SORCS2: variants seen among roughly 807,000 people sequenced by gnomAD.
SORCS2 encodes the protein sortilin related VPS10 domain containing receptor 2, also known as VPS10 domain-containing receptor SorCS2.
In SORCS2, 100 loss-of-function variants were observed where a neutral mutation model predicts 141.6. The observed-to-expected ratio is 0.71, with a 90% CI of 0.60 to 0.83. The LOEUF is 0.83. Among genes scored for constraint, SORCS2 ranks in the 40% least tolerant of loss-of-function variants. The pLI is 0.00. For synonymous variants in SORCS2, 789 were observed against 676.9 expected, an observed-to-expected ratio of 1.17 and a Z score of -2.57; for missense variants, 1,646 against 1,560.2, an observed-to-expected ratio of 1.05 and a Z score of -0.93.
intron 2 of SORCS2, among the ~76,000 whole-genome samples, chr4:7,418,062 G>T (rs1209376208): frequency 6.6e-6 from 1 of 152,160 alleles, no homozygotes; most frequent in Non-Finnish European, 1.5e-5. Context: ...TCAGCTGGAG[G>T]CTCTTACCAG....
In SORCS2 at chr4:7,661,549, C is replaced by G. The variant is rs1442288692; in HGVS notation, c.937C>G (p.Gln313Glu). 4 of 1,551,878 alleles carry G rather than the reference C, an allele frequency of 2.6e-6. No individual in the cohort carries two copies. Among genetic ancestry groups the G allele is most frequent in the Non-Finnish European group, 8.7e-7 (1 of 1,147,136 alleles). The part of the protein sequence containing the change: ...ADPDLVHVEA[Q>E]DLGGDFRYVT... ...CCCTGACTTGGTCCACGTGGAAGCC[C>G]AAGACCTCGGTGGAGGTAAGCCGGG... Residue 313 changes from glutamine (Q) to glutamate (E), a missense_variant, in exon 6 of 27, where the codon CAA becomes GAA. Gln to Glu is a conservative substitution (Grantham distance 29). Transcript: ENST00000507866.
intron 12 of SORCS2, among the ~76,000 whole-genome samples, chr4:7,700,401 C>T (rs1724985695): frequency 1.3e-5 from 2 of 152,138 alleles, no homozygotes; most frequent in African/African-American, 4.8e-5. Context: ...TTGGGGGTCT[C>T]TCCCTAGGCT....
chr4:7,394,096 T>G (rs7356467), intron 1 of SORCS2, among the ~76,000 whole-genome samples: 1 of 150,802 alleles, frequency 6.6e-6, no homozygotes, highest in Admixed American at 6.6e-5. Context: ...TTTGGCTTGG[T>G]CGGTTGAAGC....
At chr4:7,383,483 C>T (rs1723114771) in intron 1 of SORCS2, among the ~76,000 whole-genome samples, 1 of 152,184 alleles carries the variant, frequency 6.6e-6, no homozygotes, top group South Asian at 2.1e-4. Flanking sequence ...AGGTAATGAA[C>T]ATATGGTTGT....
chr4:7,550,721 A>C (rs947353455), intron 3 of SORCS2, among the ~76,000 whole-genome samples: 1 of 152,204 alleles, frequency 6.6e-6, no homozygotes. Flanking sequence ...TTCCAACAGG[A>C]CAATCCACTG....
Position 7,370,206 on chromosome 4 carries a change from C to T in SORCS2, c.481-26082C>T, listed in dbSNP as rs148469053. On this transcript the variant is annotated intron_variant, in intron 1 of 26. Transcript: ENST00000507866. ...GCCCAGAGAGGGCATAACCACCAGG[C>T]TGGGCAAGGCGCTTGGGCTCCCTGA... Among the ~76,000 whole-genome samples the T allele has an allele frequency of 2.0e-5, 3 of 152,324 alleles. No individual in the cohort carries two copies. The East Asian group carries it at 5.8e-4, about 29-fold the overall frequency.
At chr4:7,494,462 G>A (rs531610393) in intron 2 of SORCS2, among the ~76,000 whole-genome samples, 136 of 152,238 alleles carry the variant, frequency 8.9e-4, no homozygotes, top group African/African-American at 3.1e-3. Context: ...TTCTGGTGTG[G>A]GCCTCTTCCT....
chr4:7,330,706 G>A (rs1029975487), intron 1 of SORCS2, among the ~76,000 whole-genome samples: 1 of 152,000 alleles, frequency 6.6e-6, no homozygotes, highest in African/African-American at 2.4e-5. Flanking sequence ...TTGGAACTTC[G>A]CACCTGCCCT....
chr4:7,511,348 GGAGA>G (rs201320813), intron 2 of SORCS2, among the ~76,000 whole-genome samples: 20 of 127,310 alleles, frequency 1.6e-4, no homozygotes, highest in African/African-American at 2.1e-4. Flanking sequence ...AGAGAGGGAG[GGAGA>G]GAGAGAGAGA....
chr4:7,309,932 C>T (rs1426110541), intron 1 of SORCS2, among the ~76,000 whole-genome samples: 1 of 152,300 alleles, frequency 6.6e-6, no homozygotes, highest in South Asian at 2.1e-4. Context: ...GGGTGTCACC[C>T]GCAGTAGGCA....
At position 7,648,028 on chromosome 4, in the gene SORCS2, G is replaced by A. The variant is rs986214524; in HGVS notation, c.814-6106G>A. On this transcript the variant is annotated intron_variant, in intron 4 of 26. Transcript: ENST00000507866. The surrounding 1 kb of genome is among the most constrained non-coding windows in gnomAD (Gnocchi z 4.2). Reference sequence around the variant, plus strand: ...GAGACTAGGGGAGGCAGGAGCAGCCGAGGTGGAGTGGGGAAGTGGGGTGGC... The same window carrying A: ...GAGACTAGGGGAGGCAGGAGCAGCCAAGGTGGAGTGGGGAAGTGGGGTGGC... 6.6e-6 allele frequency among the ~76,000 whole-genome samples: 1 copy of A among 152,206 alleles called. No individual in the cohort carries two copies. Among genetic ancestry groups the A allele is most frequent in the Non-Finnish European group, 1.5e-5 (1 of 68,048 alleles).
At chr4:7,393,338 A>G (rs188659881) in intron 1 of SORCS2, among the ~76,000 whole-genome samples, 49 of 152,288 alleles carry the variant, frequency 3.2e-4, no homozygotes, top group Non-Finnish European at 5.0e-4. Flanking sequence ...CCCCAAGGCT[A>G]ACACGTCAGC....
In SORCS2 at chr4:7,740,463, C is replaced by T; in HGVS notation, c.*199C>T. 1 of 589,274 alleles carries T rather than the reference C, an allele frequency of 1.7e-6. No homozygotes were observed. Among genetic ancestry groups the T allele is most frequent in the South Asian group, 2.0e-5 (1 of 50,520 alleles). 36.5% of individuals were successfully genotyped at this position (589,274 alleles called of 1,614,324 possible). A position where few individuals can be genotyped will look rare whatever the true frequency, so the allele number is the denominator to read the frequency against. The stretch of plus-strand genomic sequence containing the variant: ...GGGGCCCACGGGACCCCCCGGGACT[C>T]CCCGGACATGGCCCTGCCCCTATGG... On this transcript the variant is annotated 3_prime_UTR_variant, in exon 27 of 27. Coordinates refer to ENST00000507866, the MANE Select transcript of SORCS2 (RefSeq NM_020777.3).
chr4:7,328,169 GCACCCAC>G (rs565261616), intron 1 of SORCS2, among the ~76,000 whole-genome samples: 208 of 150,886 alleles, frequency 1.4e-3, no homozygotes, highest in Non-Finnish European at 2.5e-3. Flanking sequence ...GGGATTACAG[GCACCCAC>G]CACCATGCCT....
chr4:7,307,321 G>A (rs1339025152), intron 1 of SORCS2, among the ~76,000 whole-genome samples: 1 of 152,244 alleles, frequency 6.6e-6, no homozygotes, highest in African/African-American at 2.4e-5. Flanking sequence ...TGAGCCACCT[G>A]GAAGTTCCTT....
intron 7 of SORCS2, among the ~76,000 whole-genome samples, chr4:7,666,309 G>A (rs900676447): frequency 3.3e-5 from 5 of 152,126 alleles, no homozygotes; most frequent in African/African-American, 1.2e-4. Flanking sequence ...GTCTGGTGTC[G>A]GTGCTCGCGA....
At chr4:7,311,758 G>A (rs983539170) in intron 1 of SORCS2, among the ~76,000 whole-genome samples, 11 of 152,214 alleles carry the variant, frequency 7.2e-5, no homozygotes, top group African/African-American at 2.7e-4. Context: ...CATGGTTATA[G>A]TGTTTCGAGA....
intron 10 of SORCS2, among the ~76,000 whole-genome samples, chr4:7,688,414 A>G (rs1724006908): frequency 6.6e-6 from 1 of 152,188 alleles, no homozygotes; most frequent in Non-Finnish European, 1.5e-5. Context: ...TAACAGAAAA[A>G]AGTAATTTTA....
chr4:7,690,535 A>G (rs907364881), intron 11 of SORCS2, among the ~76,000 whole-genome samples: 3 of 151,140 alleles, frequency 2.0e-5, no homozygotes, highest in Admixed American at 6.6e-5. Flanking sequence ...GAATGGATGG[A>G]TGATGCATGA....
Sources: gnomAD v4.1 joint callset for allele counts (sites outside exome capture counted in the v4.1 genomes callset) on GRCh38, gnomAD v4.1.1 for gene constraint, Gnocchi (gnomAD v3.1) non-coding constraint, MANE v1.5 for transcripts, NCBI Gene and HGNC (gene_info 2026-07-23, HGNC 2026-07-21) for gene names.